Variants in OBI1 observed in about 807,000 individuals in gnomAD.
OBI1 encodes ORC ubiquitin ligase 1.
Under a neutral mutation model 62.4 loss-of-function variants are expected in OBI1, and 59 were observed. That is an observed-to-expected ratio of 0.95 (90% CI 0.77 to 1.17). The LOEUF (loss-of-function observed/expected upper bound fraction) is 1.17, where lower values mean the gene tolerates loss of function less well. Ranked by LOEUF, OBI1 falls within the 50% of genes most tolerant of loss-of-function variation. OBI1 has a pLI of 0.00. For missense variants in OBI1, 875 were observed against 830.9 expected (o/e 1.05, Z -0.65); for synonymous variants, 302 against 292.8 (o/e 1.03, Z -0.32).
rs1875716409 is a variant in OBI1, at chr13:78,627,648, TACC to T, written c.638+7459_638+7461del. On this transcript the variant is annotated intron_variant, in intron 5 of 5. Transcript: ENST00000282003. Reference sequence around the variant, plus strand: ...TGCATAGCATTCCATGCTGTATATGTACCACATTTTCTTTACCCAGTCTATCAC... The same window carrying T: ...TGCATAGCATTCCATGCTGTATATGTACATTTTCTTTACCCAGTCTATCAC... 4.6e-5 allele frequency among the ~76,000 whole-genome samples: 7 copies of T among 152,364 alleles called. No homozygotes were observed. In the South Asian group the frequency reaches 1.2e-3, roughly 27 times the overall value.
chr13:78,635,713 C>A (rs2137448568), intron 4 of OBI1, among the ~76,000 whole-genome samples: 1 of 152,290 alleles, frequency 6.6e-6, no homozygotes, highest in East Asian at 1.9e-4. Context: ...TTCTGGCTCA[C>A]AACTTCTAGG....
intron 1 of OBI1, among the ~76,000 whole-genome samples, chr13:78,658,569 G>C (rs746137129): frequency 5.9e-5 from 9 of 152,190 alleles, no homozygotes; most frequent in Non-Finnish European, 1.0e-4. Context: ...AAAGGTCTTG[G>C]AAATGGAAAA....
At chr13:78,622,302 C>A (rs1875537285) in intron 5 of OBI1, among the ~76,000 whole-genome samples, 1 of 152,062 alleles carries the variant, frequency 6.6e-6, no homozygotes, top group South Asian at 2.1e-4. Context: ...ATATATCAGG[C>A]ACAGAAGCAT....
chr13:78,636,308 A>G (rs1335177087), intron 4 of OBI1, among the ~76,000 whole-genome samples: 1 of 152,220 alleles, frequency 6.6e-6, no homozygotes, highest in African/African-American at 2.4e-5. Context: ...TGTATTACAA[A>G]GAAAAATAAC....
intron 1 of OBI1, among the ~76,000 whole-genome samples, chr13:78,653,445 A>G (rs1276615686): frequency 6.6e-6 from 1 of 152,182 alleles, no homozygotes; most frequent in Non-Finnish European, 1.5e-5. Flanking sequence ...TATCAAATCC[A>G]TTTTCAGTTG....
At position 78,614,885 on chromosome 13, in the gene OBI1, C is replaced by CATAT. The variant is rs1450352680; in HGVS notation, c.*691_*694dup. ...CTACCTAACATAAAACAAATGTCTTCATATAGAAAATGTTTTCTTTCATAC... is the reference window on the plus strand; with the variant it reads ...CTACCTAACATAAAACAAATGTCTTCATATATATAGAAAATGTTTTCTTTCATAC... On this transcript the variant is annotated 3_prime_UTR_variant, in exon 6 of 6. Coordinates refer to ENST00000282003, the MANE Select transcript of OBI1 (RefSeq NM_024546.4). 1.3e-5 allele frequency: 2 copies of CATAT among 152,144 alleles called. No homozygotes were observed. Among genetic ancestry groups the CATAT allele is most frequent in the African/African-American group, 4.8e-5 (2 of 41,420 alleles). 9.4% of individuals were successfully genotyped at this position (152,144 alleles called of 1,614,324 possible).
At chr13:78,645,838 C>T (rs1486267086) in intron 1 of OBI1, among the ~76,000 whole-genome samples, 3 of 152,070 alleles carry the variant, frequency 2.0e-5, no homozygotes, top group East Asian at 1.9e-4. Context: ...TTAGGAGAGA[C>T]GGGGTTTCAC....
chr13:78,649,802 G>C (rs1426517914), intron 1 of OBI1, among the ~76,000 whole-genome samples: 1 of 152,130 alleles, frequency 6.6e-6, no homozygotes, highest in Non-Finnish European at 1.5e-5. Context: ...CAACAGAAGG[G>C]AAAATAGGGG....
chr13:78,621,972 A>C (rs1160985180), intron 5 of OBI1, among the ~76,000 whole-genome samples: 1 of 152,200 alleles, frequency 6.6e-6, no homozygotes, highest in Non-Finnish European at 1.5e-5. Context: ...AGTTTTTCAC[A>C]AAAAAACCAC....
At position 78,614,673 on chromosome 13, in the gene OBI1, A is replaced by G. The variant is rs1875185002; in HGVS notation, c.*907T>C. 1 of 152,280 alleles carries G rather than the reference A, an allele frequency of 6.6e-6. No homozygotes were observed. The highest frequency in any genetic ancestry group is 2.1e-4 in the South Asian group (1 of 4,826). 9.4% of individuals were successfully genotyped at this position (152,280 alleles called of 1,614,324 possible). ...ACAAGAAACATACTACTCAAAAGAAAACTCCCCTGGAATGCAAGTGGATCA... is the reference window on the plus strand; with the variant it reads ...ACAAGAAACATACTACTCAAAAGAAGACTCCCCTGGAATGCAAGTGGATCA... On this transcript the variant is annotated 3_prime_UTR_variant, in exon 6 of 6. Transcript: ENST00000282003.
chr13:78,646,246 C>T (rs560208744), intron 1 of OBI1, among the ~76,000 whole-genome samples: 2 of 152,152 alleles, frequency 1.3e-5, no homozygotes, highest in South Asian at 4.2e-4. Flanking sequence ...TGTCTATCTC[C>T]CTTATCAGAA....
At chr13:78,630,535 C>T (rs1325637) in intron 5 of OBI1, among the ~76,000 whole-genome samples, 11,635 of 152,106 alleles carry the variant, frequency 0.076, 1,432 homozygotes, top group African/African-American at 0.26. Flanking sequence ...GTATTTGGGG[C>T]AGGGCCAATA....
chr13:78,652,740 T>G (rs942657626), intron 1 of OBI1, among the ~76,000 whole-genome samples: 1 of 152,148 alleles, frequency 6.6e-6, no homozygotes, highest in African/African-American at 2.4e-5. Flanking sequence ...GGGTTCATGC[T>G]CCTATGAAAA....
Position 78,616,611 on chromosome 13 carries a change from A to G in OBI1, c.1150T>C (p.Tyr384His), listed in dbSNP as rs372028712. 5.1e-5 allele frequency: 83 copies of G among 1,614,064 alleles called. No homozygotes were observed. The Middle Eastern group carries it at 1.8e-3, about 35-fold the overall frequency. Residue 384 changes from tyrosine to histidine, a missense_variant, in exon 6 of 6, where the codon TAT (tyrosine) becomes CAT (histidine). Transcript: ENST00000282003. ...DCVPYKDEEL[Y>H]DLPAPCTPLS... The stretch of plus-strand genomic sequence containing the variant: ...GGAGTACAAGGAGCTGGAAGATCAT[A>G]AAGTTCTTCATCTTTGTAGGGTACA...
chr13:78,657,780 A>G (rs1299979081), intron 1 of OBI1, among the ~76,000 whole-genome samples: 3 of 152,226 alleles, frequency 2.0e-5, no homozygotes, highest in Admixed American at 6.5e-5. Flanking sequence ...ACATATTTCC[A>G]GGAACTTTAT....
At chr13:78,627,562 TA>T (rs1335355638) in intron 5 of OBI1, among the ~76,000 whole-genome samples, 1 of 152,202 alleles carries the variant, frequency 6.6e-6, no homozygotes, top group African/African-American at 2.4e-5. Context: ...TTGCTGAGGA[TA>T]ATGGCTTCCA....
chr13:78,638,138 A>G (rs1876083996), intron 4 of OBI1, among the ~76,000 whole-genome samples: 1 of 152,176 alleles, frequency 6.6e-6, no homozygotes, highest in Non-Finnish European at 1.5e-5. Flanking sequence ...CACTTGGGTC[A>G]AGATGGTGTT....
At position 78,616,954 on chromosome 13, in the gene OBI1, G is replaced by A; in HGVS notation, c.807C>T (p.Ser269=). ...CTGCAGAAAGTGCTGTCTGGCAAAT[G>A]GAATTCATAGCTTCTTTCTCTTCAC... The part of the protein sequence containing the change: ...NSSEEKEAMN[S]ICQTALSADG... Residue 269 remains serine (S), a synonymous_variant, in exon 6 of 6, where the codon TCC becomes TCT. Coordinates refer to ENST00000282003, the MANE Select transcript of OBI1 (RefSeq NM_024546.4). 6.2e-7 allele frequency: 1 copy of A among 1,614,162 alleles called. No individual in the cohort carries two copies. The highest frequency in any genetic ancestry group is 8.5e-7 in the Non-Finnish European group (1 of 1,180,028).
chr13:78,635,265 A>G, intron 4 of OBI1, 67 bp from the exon 5 acceptor site: 1 of 911,104 alleles, frequency 1.1e-6, no homozygotes, highest in Non-Finnish European at 1.8e-6. Flanking sequence ...AAATTACAAC[A>G]TGAGCCATCC....
Sources: gnomAD v4.1 joint callset for allele counts (sites outside exome capture counted in the v4.1 genomes callset) on GRCh38, gnomAD v4.1.1 for gene constraint, MANE v1.5 for transcripts, NCBI Gene and HGNC (gene_info 2026-07-23, HGNC 2026-07-21) for gene names.